The following ARL15 variants were observed in gnomAD, a reference collection of about 807,000 sequenced individuals.
The protein encoded by ARL15 is ADP-ribosylation factor-like protein 15.
ARL15 carries 19 observed loss-of-function variants against 25.2 expected under a neutral mutation model. The observed-to-expected ratio is 0.75, with a 90% CI of 0.53 to 1.10. ARL15 has a LOEUF of 1.10. Among genes scored for constraint, ARL15 ranks in the 50% least tolerant of loss-of-function variants. ARL15 has a pLI of 0.00. For missense variants in ARL15, 220 were observed against 246.0 expected, an observed-to-expected ratio of 0.89 and a Z score of 0.71; for synonymous variants, 94 against 86.8, an observed-to-expected ratio of 1.08 and a Z score of -0.46.
intron 4 of ARL15, among the ~76,000 whole-genome samples, chr5:54,102,761 G>T (rs1752478013): frequency 6.6e-6 from 1 of 151,944 alleles, no homozygotes; most frequent in African/African-American, 2.4e-5. Context: ...TTCCACTCTG[G>T]CCCCTTTCAA....
chr5:53,937,294 T>TACAC (rs10647066), intron 4 of ARL15, among the ~76,000 whole-genome samples: 16,258 of 149,586 alleles, frequency 0.11, 962 homozygotes, highest in African/African-American at 0.13. Context: ...CGCCTGCGCA[T>TACAC]ACACACACAC....
At chr5:53,916,841 C>G (rs1272596604) in intron 4 of ARL15, among the ~76,000 whole-genome samples, 1 of 152,160 alleles carries the variant, frequency 6.6e-6, no homozygotes, top group Non-Finnish European at 1.5e-5. Flanking sequence ...CTCTTTCAAA[C>G]ATCCCAACAT....
intron 4 of ARL15, among the ~76,000 whole-genome samples, chr5:53,971,836 G>C (rs1177578186): frequency 6.6e-6 from 1 of 152,280 alleles, no homozygotes; most frequent in South Asian, 2.1e-4. Flanking sequence ...CCTTGCATAT[G>C]CTTTGCTGAA....
intron 1 of ARL15, among the ~76,000 whole-genome samples, chr5:54,255,577 G>T (rs1757341951): frequency 6.6e-6 from 1 of 152,072 alleles, no homozygotes; most frequent in Non-Finnish European, 1.5e-5. Flanking sequence ...TAAATAACAG[G>T]TTGAGCACAC....
intron 4 of ARL15, among the ~76,000 whole-genome samples, chr5:54,093,549 A>T (rs957669862): frequency 6.6e-6 from 1 of 152,198 alleles, no homozygotes; most frequent in Non-Finnish European, 1.5e-5. Flanking sequence ...TAATGCAAAG[A>T]CAGAAGGTAT....
In ARL15 at chr5:53,955,504, G is replaced by C. The variant is rs557955456; in HGVS notation, c.463-68791C>G. On this transcript the variant is annotated intron_variant, in intron 4 of 4. Transcript: ENST00000504924. ...TTACAATTTAAAGTAGGGCAGGAAA[G>C]TGATGTTAGCAAAAATGGCAGAGTA... Among the ~76,000 whole-genome samples the C allele has an allele frequency of 2.0e-5, 3 of 152,302 alleles. No individual in the cohort carries two copies. The South Asian group carries it at 6.2e-4, about 32-fold the overall frequency.
At chr5:53,930,560 G>A (rs945935799) in intron 4 of ARL15, among the ~76,000 whole-genome samples, 2 of 152,082 alleles carry the variant, frequency 1.3e-5, no homozygotes, top group African/African-American at 4.8e-5. Flanking sequence ...GGAGGCAGAG[G>A]TATTGTCTTG....
intron 1 of ARL15, among the ~76,000 whole-genome samples, chr5:54,211,217 G>T (rs1300479484): frequency 6.6e-6 from 1 of 152,076 alleles, no homozygotes; most frequent in African/African-American, 2.4e-5. Context: ...GCTATTGCAG[G>T]GTTTTCTCCT....
At chr5:53,920,121 T>C (rs980711974) in intron 4 of ARL15, among the ~76,000 whole-genome samples, 3 of 152,290 alleles carry the variant, frequency 2.0e-5, no homozygotes, top group Admixed American at 1.3e-4. Context: ...TTAAAAAAAA[T>C]GGAAGTCTCA....
At chr5:53,989,263 T>G (rs1040401341) in intron 4 of ARL15, among the ~76,000 whole-genome samples, 10 of 142,084 alleles carry the variant, frequency 7.0e-5, no homozygotes, top group African/African-American at 2.6e-4. Context: ...TGGCATTTAT[T>G]AATAATAGAC....
Position 54,175,490 on chromosome 5 carries a change from A to G in ARL15, c.49-3562T>C, listed in dbSNP as rs1204867327. ...GCTGGGATTACAGGTATGCGCCACCACACCCAGCTAATTTTTGTATTTTTA... is the reference window on the plus strand; with the variant it reads ...GCTGGGATTACAGGTATGCGCCACCGCACCCAGCTAATTTTTGTATTTTTA... On this transcript the variant is annotated intron_variant, in intron 1 of 4. Transcript: ENST00000504924. 3.3e-5 allele frequency among the ~76,000 whole-genome samples: 5 copies of G among 151,446 alleles called. No individual in the cohort carries two copies. The East Asian group carries it at 9.8e-4, about 30-fold the overall frequency.
intron 1 of ARL15, among the ~76,000 whole-genome samples, chr5:54,280,037 C>T (rs576363647): frequency 6.6e-6 from 1 of 152,324 alleles, no homozygotes; most frequent in Admixed American, 6.5e-5. Flanking sequence ...GCTGTTGTTG[C>T]CCAGTGCGAA....
intron 4 of ARL15, among the ~76,000 whole-genome samples, chr5:54,004,013 T>A (rs1748937559): frequency 6.6e-6 from 1 of 152,158 alleles, no homozygotes; most frequent in African/African-American, 2.4e-5. Flanking sequence ...TCTCACTAAC[T>A]CCACCTTAAA....
intron 4 of ARL15, among the ~76,000 whole-genome samples, chr5:54,059,417 T>C (rs1007664314): frequency 2.6e-5 from 4 of 152,238 alleles, no homozygotes; most frequent in African/African-American, 7.2e-5. Context: ...TAATTCAACA[T>C]AGTGCACGGA....
chr5:53,910,691 G>A (rs1745434653), intron 4 of ARL15, among the ~76,000 whole-genome samples: 1 of 123,160 alleles, frequency 8.1e-6, no homozygotes, highest in Admixed American at 8.7e-5. Context: ...CGTCTTCTTA[G>A]AATTATGCTC....
In ARL15 at chr5:54,277,522, C is replaced by T. The variant is rs13356600; in HGVS notation, c.48+32910G>A. On this transcript the variant is annotated intron_variant, in intron 1 of 4. Transcript: ENST00000504924. ...ATCCCAGCACTTTGGGAGGCCGAGG[C>T]GGGCGGATCACGAGGTCAGGAGATT... 3.9e-3 allele frequency among the ~76,000 whole-genome samples: 601 copies of T among 152,206 alleles called. 6 individuals carry two copies. Among genetic ancestry groups the T allele is most frequent in the African/African-American group, 0.014 (568 of 41,548 alleles).
intron 4 of ARL15, among the ~76,000 whole-genome samples, chr5:53,994,137 T>G (rs993040418): frequency 9.2e-5 from 14 of 152,202 alleles, no homozygotes; most frequent in Admixed American, 3.3e-4. Context: ...TTTAACAGAT[T>G]GGTATTTTGT....
At chr5:54,039,531 G>A (rs1750267754) in intron 4 of ARL15, among the ~76,000 whole-genome samples, 1 of 152,038 alleles carries the variant, frequency 6.6e-6, no homozygotes, top group African/African-American at 2.4e-5. Flanking sequence ...CGGGTGTGGT[G>A]GCTCAGGCCT....
intron 2 of ARL15, among the ~76,000 whole-genome samples, chr5:54,169,005 G>C (rs1465701683): frequency 1.3e-5 from 2 of 152,068 alleles, no homozygotes; most frequent in Non-Finnish European, 2.9e-5. Flanking sequence ...ATTATGCCAG[G>C]TTCAGAACAA....
Sources: allele counts gnomAD v4.1 joint callset (sites outside exome capture counted in the v4.1 genomes callset), GRCh38; gene constraint gnomAD v4.1.1; transcripts MANE v1.5; gene names NCBI Gene and HGNC (gene_info 2026-07-23, HGNC 2026-07-21).